The following NAA16 variants were observed in gnomAD, a reference collection of about 807,000 sequenced individuals.
NAA16 encodes N-alpha-acetyltransferase 16, NatA auxiliary subunit.
NAA16 carries 97 observed loss-of-function variants against 110.3 expected under a neutral mutation model. That is an observed-to-expected ratio of 0.88 (90% CI 0.75 to 1.04). The LOEUF (loss-of-function observed/expected upper bound fraction) is 1.04, where lower values mean the gene tolerates loss of function less well. NAA16 is among the 50% of genes least tolerant of loss of function. The pLI, the probability that NAA16 is intolerant of heterozygous loss-of-function variation, is 0.00. For synonymous variants in NAA16, 372 were observed against 330.6 expected (o/e 1.13, Z -1.36); for missense variants, 1,017 against 1,005.1 (o/e 1.01, Z -0.16).
chr13:41,375,462 C>T lies in NAA16; in HGVS notation c.2455C>T (p.Gln819Ter). The T allele has an allele frequency of 6.2e-7, 1 of 1,613,880 alleles. No homozygotes were observed. The highest frequency in any genetic ancestry group is 1.1e-5 in the South Asian group (1 of 91,070). ...TGGCAGCTTTGGGAACTGTAGTTCC[C>T]AATATGAAGAATATAGGATGGCCTG... ...LDGSFGNCSS[Q>*]YEEYRMACHN... The change falls in exon 20 of 20, where the codon CAA (glutamine) becomes TAA (stop). Residue 819 changes from glutamine to a stop codon, truncating the protein, a stop_gained. Transcript: ENST00000379406. LOFTEE classifies it low-confidence loss of function (END_TRUNC).
chr13:41,327,590 A>G (rs912435931), intron 6 of NAA16, among the ~76,000 whole-genome samples: 1 of 152,086 alleles, frequency 6.6e-6, no homozygotes, highest in Non-Finnish European at 1.5e-5. Flanking sequence ...ATACACCGTG[A>G]ATGCATTCCT....
chr13:41,339,006 T>A (rs772789718), intron 9 of NAA16, among the ~76,000 whole-genome samples: 6 of 152,212 alleles, frequency 3.9e-5, no homozygotes, highest in Non-Finnish European at 7.3e-5. Context: ...AAACAGCTAT[T>A]GTTTGTAAGT....
At chr13:41,326,971 C>T (rs900549211) in intron 6 of NAA16, among the ~76,000 whole-genome samples, 5 of 152,154 alleles carry the variant, frequency 3.3e-5, no homozygotes, top group African/African-American at 4.8e-5. Flanking sequence ...TCTTTTTACC[C>T]TCTACATAGT....
chr13:41,338,296 C>T (rs1442582675), intron 9 of NAA16, among the ~76,000 whole-genome samples: 3 of 152,164 alleles, frequency 2.0e-5, no homozygotes, highest in African/African-American at 4.8e-5. Flanking sequence ...TAAGCTATCA[C>T]GGGGCTTTCA....
At chr13:41,352,792 A>C (rs1490154455) in intron 9 of NAA16, among the ~76,000 whole-genome samples, 1 of 152,134 alleles carries the variant, frequency 6.6e-6, no homozygotes, top group African/African-American at 2.4e-5. Flanking sequence ...TTCCCCCGTA[A>C]TCAGATCTTG....
chr13:41,353,142 A>AGG (rs1388756779), intron 9 of NAA16, among the ~76,000 whole-genome samples: 1 of 152,120 alleles, frequency 6.6e-6, no homozygotes, highest in African/African-American at 2.4e-5. Context: ...AACAAAACAT[A>AGG]GGTTTCACCC....
intron 5 of NAA16, 84 bp downstream of exon 5, chr13:41,323,274 G>A: frequency 7.3e-7 from 1 of 1,365,600 alleles, no homozygotes. Flanking sequence ...GTGAATTAAA[G>A]TATTTGAAAC....
At chr13:41,331,543 A>G (rs1230105916) in intron 8 of NAA16, among the ~76,000 whole-genome samples, 174 bp downstream of exon 8, 1 of 152,144 alleles carries the variant, frequency 6.6e-6, no homozygotes, top group African/African-American at 2.4e-5. Flanking sequence ...GTGTAGTTAA[A>G]TGTTGATTTT....
chr13:41,354,569 C>T (rs947091782), intron 9 of NAA16: 10 of 152,140 alleles, frequency 6.6e-5, no homozygotes, highest in African/African-American at 1.4e-4. Flanking sequence ...AAATATAGAA[C>T]GCTTCATGAA....
At chr13:41,318,198 C>T (rs1330307910) in intron 2 of NAA16, among the ~76,000 whole-genome samples, 1 of 149,088 alleles carries the variant, frequency 6.7e-6, no homozygotes, top group East Asian at 1.9e-4. Flanking sequence ...CTCATGTCTG[C>T]TTTGTAATTT....
At chr13:41,351,573 A>C (rs147433966) in intron 9 of NAA16, among the ~76,000 whole-genome samples, 14 of 152,356 alleles carry the variant, frequency 9.2e-5, no homozygotes, top group African/African-American at 3.4e-4. Context: ...GTTAATGAAG[A>C]GTTCTTTTAA....
At chr13:41,316,525 G>A (rs2041815670) in intron 1 of NAA16, among the ~76,000 whole-genome samples, 1 of 151,900 alleles carries the variant, frequency 6.6e-6, no homozygotes, top group African/African-American at 2.4e-5. Flanking sequence ...GGTTGGTCTC[G>A]AACTCCTGAG....
rs1160045262 is a variant in NAA16, at chr13:41,372,126, T to C, written c.1948-77T>C. The C allele has an allele frequency of 9.2e-6, 11 of 1,198,760 alleles. No individual in the cohort carries two copies. In the African/African-American group the frequency reaches 1.3e-4, roughly 14 times the overall value. 74.3% of individuals were successfully genotyped at this position (1,198,760 alleles called of 1,614,324 possible). On this transcript the variant is annotated intron_variant, in intron 15 of 19. Transcript: ENST00000379406. ...AGCTGTCTAAATTACTTTAGACATA[T>C]GTTAATATAAAATTTTAGGGGAAAT...
Position 41,372,818 on chromosome 13 carries a change from T to C in NAA16, c.2143T>C (p.Phe715Leu). The C allele has an allele frequency of 6.3e-7, 1 of 1,580,938 alleles. No homozygotes were observed. The highest frequency in any genetic ancestry group is 8.6e-7 in the Non-Finnish European group (1 of 1,159,764). The change falls in exon 17 of 20, where the codon TTT becomes CTT. Residue 715 changes from phenylalanine to leucine, a missense_variant. Transcript: ENST00000379406. ...ATGGTTACATGAATGTTTAATTAGA[T>C]TTTCTAAATCTGGTAAGTATAAAAA... is the stretch of plus-strand genomic sequence containing the variant. ...NPWLHECLIRFSKSVSNHSNL... is the reference protein window; with the variant it reads ...NPWLHECLIRLSKSVSNHSNL...
At chr13:41,359,310 G>A (rs950121494) in intron 12 of NAA16, among the ~76,000 whole-genome samples, 2 of 152,092 alleles carry the variant, frequency 1.3e-5, no homozygotes, top group Admixed American at 1.3e-4. Flanking sequence ...TTTTAATTCT[G>A]TCTTACTTTT....
In NAA16 at chr13:41,367,566, A is replaced by G. The variant is rs778109413; in HGVS notation, c.1667A>G (p.Lys556Arg). 3 of 1,613,324 alleles carry G rather than the reference A, an allele frequency of 1.9e-6. No individual in the cohort carries two copies. The highest frequency in any genetic ancestry group is 2.2e-5 in the South Asian group (2 of 91,062). Reference sequence around the variant, plus strand: ...CTCAGAAGACATGCCTTTTATTTCAAGGCTGCTAGATCAGCGATTGAAATA... The same window carrying G: ...CTCAGAAGACATGCCTTTTATTTCAGGGCTGCTAGATCAGCGATTGAAATA... ...DILRRHAFYF[K>R]AARSAIEIYL... Residue 556 changes from lysine (K) to arginine (R), a missense_variant, in exon 14 of 20, where the codon AAG becomes AGG. Transcript: ENST00000379406.
intron 10 of NAA16, among the ~76,000 whole-genome samples, chr13:41,355,632 G>C (rs2042962439): frequency 6.6e-6 from 1 of 152,182 alleles, no homozygotes. Context: ...GTTTCACCAT[G>C]TTGGCCAGGC....
intron 10 of NAA16, among the ~76,000 whole-genome samples, chr13:41,355,974 C>G (rs2042971376): frequency 6.6e-6 from 1 of 152,162 alleles, no homozygotes; most frequent in Non-Finnish European, 1.5e-5. Context: ...AAAGTAACTT[C>G]CGGGTTCCTT....
intron 7 of NAA16, among the ~76,000 whole-genome samples, chr13:41,330,188 G>GT (rs1385001314): frequency 5.3e-5 from 8 of 150,746 alleles, no homozygotes; most frequent in South Asian, 2.1e-4. Flanking sequence ...GTTTTTTTTT[G>GT]TTTTTTTGTT....
Sources: allele counts gnomAD v4.1 joint callset (sites outside exome capture counted in the v4.1 genomes callset), GRCh38; gene constraint gnomAD v4.1.1; transcripts MANE v1.5; gene names NCBI Gene and HGNC (gene_info 2026-07-23, HGNC 2026-07-21).